The following VAV3 variants were observed in gnomAD, a reference collection of about 807,000 sequenced individuals.
VAV3 encodes vav guanine nucleotide exchange factor 3, also known as guanine nucleotide exchange factor VAV3.
A neutral mutation model predicts 131.2 loss-of-function variants in VAV3; 94 were observed. The observed-to-expected ratio is 0.72, with a 90% CI of 0.61 to 0.85. The LOEUF (loss-of-function observed/expected upper bound fraction) is 0.85, where lower values mean the gene tolerates loss of function less well. Among genes scored for constraint, VAV3 ranks in the 40% least tolerant of loss-of-function variants. The probability of loss-of-function intolerance (pLI) is 0.00; values close to 1 mark genes in which losing one functional copy is unlikely to be tolerated. For synonymous variants in VAV3, 349 were observed against 342.0 expected (o/e 1.02, Z -0.22); for missense variants, 939 against 1,002.7 (o/e 0.94, Z 0.86).
chr1:107,826,241 T>C (rs1160118136), intron 2 of VAV3, among the ~76,000 whole-genome samples: 1 of 152,128 alleles, frequency 6.6e-6, no homozygotes, highest in Non-Finnish European at 1.5e-5. Flanking sequence ...TAGGTTATAA[T>C]AGGCAAGCTG....
chr1:107,582,001 G>C (rs1650087155), intron 25 of VAV3, among the ~76,000 whole-genome samples: 1 of 152,144 alleles, frequency 6.6e-6, no homozygotes, highest in African/African-American at 2.4e-5. Flanking sequence ...TCAGTTTTTA[G>C]TTGTAACAAG....
chr1:107,923,345 A>T (rs753727362), intron 1 of VAV3, among the ~76,000 whole-genome samples: 1 of 152,140 alleles, frequency 6.6e-6, no homozygotes, highest in Non-Finnish European at 1.5e-5. Flanking sequence ...CCCTAAATTC[A>T]TAAGTTGAAA....
chr1:107,694,643 C>T (rs1380569360), intron 17 of VAV3, among the ~76,000 whole-genome samples: 2 of 152,138 alleles, frequency 1.3e-5, no homozygotes, highest in Admixed American at 6.6e-5. Context: ...CTAGTCTCTA[C>T]GAAGGTGGAA....
intron 1 of VAV3, among the ~76,000 whole-genome samples, chr1:107,894,611 A>G (rs1671479364): frequency 6.6e-6 from 1 of 152,214 alleles, no homozygotes; most frequent in African/African-American, 2.4e-5. Context: ...ATATGGTTAC[A>G]TTACTCTCTC....
chr1:107,732,841 C>A (rs927866816), intron 15 of VAV3, among the ~76,000 whole-genome samples: 1 of 152,212 alleles, frequency 6.6e-6, no homozygotes, highest in Non-Finnish European at 1.5e-5. Flanking sequence ...CCCTGTCTGG[C>A]AGCTCTGAAG....
rs1558058537 is a variant in VAV3 at position 107,574,029 on chromosome 1, T to C, written c.2502+18A>G. ...CCCTTCTTTCACATGCACCAGCACA[T>C]CGAGAGGGCCAACTTACCCTGCCAT... On this transcript the variant is annotated intron_variant, in intron 26 of 26. Coordinates refer to ENST00000370056, the MANE Select transcript of VAV3 (RefSeq NM_006113.5). 6.2e-7 allele frequency: 1 copy of C among 1,612,714 alleles called. No homozygotes were observed.
chr1:107,785,735 G>A, intron 2 of VAV3: 10 of 895,148 alleles, frequency 1.1e-5, no homozygotes, highest in Non-Finnish European at 1.4e-5. Flanking sequence ...CAGAAGCATA[G>A]TCTGTAGACC....
chr1:107,731,303 T>C (rs1662223881), intron 15 of VAV3, among the ~76,000 whole-genome samples: 2 of 152,240 alleles, frequency 1.3e-5, no homozygotes, highest in Non-Finnish European at 2.9e-5. Flanking sequence ...GTACCCTGCC[T>C]ATAATTCTGA....
At chr1:107,643,542 C>G (rs1373269974) in intron 19 of VAV3, among the ~76,000 whole-genome samples, 3 of 152,118 alleles carry the variant, frequency 2.0e-5, no homozygotes, top group Admixed American at 1.3e-4. Context: ...TGAAACTGCT[C>G]CCAACTAAGA....
At chr1:107,908,662 A>G (rs1672216309) in intron 1 of VAV3, among the ~76,000 whole-genome samples, 1 of 152,182 alleles carries the variant, frequency 6.6e-6, no homozygotes, top group African/African-American at 2.4e-5. Context: ...CACAATTTTA[A>G]AAACCTTCAT....
At chr1:107,583,980 G>A (rs1216158232) in intron 25 of VAV3, among the ~76,000 whole-genome samples, 1 of 152,076 alleles carries the variant, frequency 6.6e-6, no homozygotes, top group Non-Finnish European at 1.5e-5. Context: ...CAAAGCTGGA[G>A]GCATCATGCT....
At chr1:107,765,273 A>G in intron 8 of VAV3, 98 bp from the exon 9 acceptor site, 1 of 874,492 alleles carries the variant, frequency 1.1e-6, no homozygotes, top group Non-Finnish European at 1.9e-6. Context: ...AACCATTGTT[A>G]GGGATAACCA....
At chr1:107,945,822 CAAAAA>C (rs36155213) in intron 1 of VAV3, among the ~76,000 whole-genome samples, 1 of 12,744 alleles carries the variant, frequency 7.8e-5, no homozygotes, top group Non-Finnish European at 2.4e-4. Flanking sequence ...AACTCCGACT[CAAAAA>C]AAAAAAAAAA....
chr1:107,704,366 A>G (rs1660318101), intron 17 of VAV3, among the ~76,000 whole-genome samples, 184 bp downstream of exon 17: 1 of 152,214 alleles, frequency 6.6e-6, no homozygotes, highest in Non-Finnish European at 1.5e-5. Context: ...AAATAATTTA[A>G]AACAAAGTTA....
intron 19 of VAV3, among the ~76,000 whole-genome samples, chr1:107,671,734 T>C (rs1319546095): frequency 6.6e-6 from 1 of 151,704 alleles, no homozygotes; most frequent in Non-Finnish European, 1.5e-5. Flanking sequence ...TTCCTACTTC[T>C]GAAAATCCTT....
chr1:107,655,898 G>T (rs1310650680), intron 19 of VAV3, among the ~76,000 whole-genome samples: 2 of 152,152 alleles, frequency 1.3e-5, no homozygotes, highest in Non-Finnish European at 2.9e-5. Context: ...ACCACAGTGA[G>T]ATATCATCTT....
chr1:107,913,377 G>T (rs1261247248), intron 1 of VAV3, among the ~76,000 whole-genome samples: 1 of 152,206 alleles, frequency 6.6e-6, no homozygotes, highest in Non-Finnish European at 1.5e-5. Flanking sequence ...TGTGCCCAGA[G>T]TGTATACACA....
chr1:107,676,814 C>G (rs1042270745), intron 19 of VAV3, among the ~76,000 whole-genome samples: 2 of 151,958 alleles, frequency 1.3e-5, no homozygotes, highest in African/African-American at 2.4e-5. Flanking sequence ...AAAAATTCTC[C>G]CTCATCTGCC....
intron 19 of VAV3, chr1:107,673,623 G>C (rs1410472947): frequency 6.6e-6 from 1 of 152,298 alleles, no homozygotes; most frequent in African/African-American, 2.4e-5. Flanking sequence ...TTGTGTGAGG[G>C]AAAACACATC....
Sources: allele counts gnomAD v4.1 joint callset (sites outside exome capture counted in the v4.1 genomes callset), GRCh38; gene constraint gnomAD v4.1.1; transcripts MANE v1.5; gene names NCBI Gene and HGNC (gene_info 2026-07-23, HGNC 2026-07-21).